DRC2: variants seen among roughly 807,000 people sequenced by gnomAD.
DRC2 encodes coiled-coil domain containing 65.
chr12:48,916,630 TGGGGAG>T, the DRC2 span, among the ~76,000 whole-genome samples: 2 of 113,410 alleles, frequency 1.8e-5, no homozygotes, highest in Non-Finnish European at 4.1e-5. Context: ...AGGGAGACCA[TGGGGAG>T]AGGGAGAGGG....
At chr12:48,913,155 G>C in the DRC2 span, among the ~76,000 whole-genome samples, 2 of 122,298 alleles carry the variant, frequency 1.6e-5, no homozygotes, top group African/African-American at 6.4e-5. Context: ...AAAAAAAAAA[G>C]ATACCCCAGG....
At chr12:48,918,494 T>C in the DRC2 span, 2 of 1,609,800 alleles carry the variant, frequency 1.2e-6, no homozygotes, top group Non-Finnish European at 1.7e-6. Context: ...CACCTGGAAA[T>C]ACTCACTGCT....
chr12:48,913,397 G>A, the DRC2 span, among the ~76,000 whole-genome samples: 26 of 151,006 alleles, frequency 1.7e-4, no homozygotes, highest in Non-Finnish European at 8.8e-5. Context: ...TTGGCCTCCC[G>A]GGTTCAAGCG....
chr12:48,906,511 C>T, the DRC2 span, among the ~76,000 whole-genome samples: 3 of 151,566 alleles, frequency 2.0e-5, no homozygotes, highest in African/African-American at 4.9e-5. Flanking sequence ...CTTAAACTCC[C>T]GACCTCAGGT....
the DRC2 span, chr12:48,921,088 GC>G: frequency 3.6e-5 from 58 of 1,610,946 alleles, no homozygotes; most frequent in Admixed American, 8.4e-5. Flanking sequence ...CCAAGGTAAA[GC>G]CCGGGGGATG....
the DRC2 span, among the ~76,000 whole-genome samples, chr12:48,915,114 C>CTTTTTTTT: frequency 3.0e-5 from 4 of 133,912 alleles, no homozygotes; most frequent in Non-Finnish European, 4.7e-5. Flanking sequence ...CACTTTCTTT[C>CTTTTTTTT]TTTTTTTTTT....
the DRC2 span, chr12:48,914,418 C>T: frequency 6.2e-7 from 1 of 1,610,156 alleles, no homozygotes; most frequent in South Asian, 1.1e-5. Context: ...TAGCTAAAGA[C>T]CTGTCCGAAG....
chr12:48,914,365 C>A, the DRC2 span: 1 of 1,540,162 alleles, frequency 6.5e-7, no homozygotes, highest in South Asian at 1.2e-5. Context: ...CACAGAGATG[C>A]TATTCAGCTG....
the DRC2 span, among the ~76,000 whole-genome samples, chr12:48,913,351 T>C: frequency 2.8e-4 from 43 of 151,804 alleles, no homozygotes; most frequent in Admixed American, 2.6e-3. Flanking sequence ...TCACCCATGC[T>C]GGAGTGCAGT....
the DRC2 span, chr12:48,905,219 A>C: frequency 6.0e-6 from 6 of 998,516 alleles, no homozygotes; most frequent in Non-Finnish European, 8.8e-6. Flanking sequence ...GGCTGTGAGA[A>C]AGCCAGGCTA....
the DRC2 span, chr12:48,918,368 G>A: frequency 9.9e-6 from 16 of 1,614,082 alleles, no homozygotes; most frequent in Non-Finnish European, 1.3e-5. Flanking sequence ...GAATTACACT[G>A]ATGCCACAGA....
the DRC2 span, among the ~76,000 whole-genome samples, chr12:48,909,892 T>C: frequency 6.6e-6 from 1 of 151,800 alleles, no homozygotes; most frequent in Non-Finnish European, 1.5e-5. Context: ...GTAATCCTCC[T>C]GCCTCAGCCT....
the DRC2 span, among the ~76,000 whole-genome samples, chr12:48,905,706 C>T: frequency 6.6e-6 from 1 of 152,102 alleles, no homozygotes; most frequent in Non-Finnish European, 1.5e-5. Flanking sequence ...TTTCTGTACC[C>T]CTTCTTTTGT....
At chr12:48,912,653 C>A in the DRC2 span, among the ~76,000 whole-genome samples, 8 of 152,052 alleles carry the variant, frequency 5.3e-5, no homozygotes, top group African/African-American at 1.7e-4. Context: ...ATTCAAGGAG[C>A]TGGAAGAAGA....
the DRC2 span, chr12:48,917,139 G>A: frequency 6.2e-7 from 1 of 1,611,568 alleles, no homozygotes. Flanking sequence ...GGCAAGAAGT[G>A]GGAGGAGGTG....
chr12:48,915,040 T>TAA, the DRC2 span, among the ~76,000 whole-genome samples: 1 of 133,076 alleles, frequency 7.5e-6, no homozygotes, highest in African/African-American at 2.5e-5. Context: ...TTGTTTTACT[T>TAA]TTTTAAATAA....
At chr12:48,920,396 G>A in the DRC2 span, among the ~76,000 whole-genome samples, 9 of 123,214 alleles carry the variant, frequency 7.3e-5, no homozygotes, top group Non-Finnish European at 1.1e-4. Flanking sequence ...AGTCGAGATC[G>A]CGCCACTGCA....
chr12:48,920,505 G>C, the DRC2 span, among the ~76,000 whole-genome samples: 7 of 123,062 alleles, frequency 5.7e-5, no homozygotes, highest in Admixed American at 6.2e-4. Context: ...TTAAAGGAAT[G>C]AATTATTAAT....
the DRC2 span, chr12:48,921,514 G>A: frequency 2.0e-6 from 3 of 1,466,602 alleles, no homozygotes; most frequent in Non-Finnish European, 2.7e-6. Context: ...TCAACTCCTA[G>A]AGATTTTTTT....
Sources: gnomAD v4.1 joint callset for allele counts (sites outside exome capture counted in the v4.1 genomes callset) on GRCh38, gnomAD v4.1.1 for gene constraint, MANE v1.5 for transcripts, NCBI Gene and HGNC (gene_info 2026-07-23, HGNC 2026-07-21) for gene names.